Variants in YTHDF1 observed in about 807,000 individuals in gnomAD.
YTHDF1 encodes the protein YTH domain-containing family protein 1.
In YTHDF1, 16 loss-of-function variants were observed where a neutral mutation model predicts 49.1. The observed-to-expected ratio is 0.33, with a 90% CI of 0.22 to 0.49. YTHDF1 has a LOEUF of 0.49. YTHDF1 is among the 20% of genes least tolerant of loss of function. The probability of loss-of-function intolerance (pLI) is 0.99; values close to 1 mark genes in which losing one functional copy is unlikely to be tolerated. For missense variants in YTHDF1, 621 were observed against 744.3 expected (o/e 0.83, Z 1.93); for synonymous variants, 313 against 290.1 (o/e 1.08, Z -0.80).
chr20:63,210,104 C>G (rs989002981), intron 3 of YTHDF1, among the ~76,000 whole-genome samples: 4 of 152,166 alleles, frequency 2.6e-5, no homozygotes, highest in Non-Finnish European at 4.4e-5. Flanking sequence ...GCACCACAGA[C>G]ACGAGTAATA....
Position 63,215,973 on chromosome 20 carries a change from C to A in YTHDF1, c.-81G>T. ...AGAGGCCGGGCCTGTCACCCTAGCTCGCGCGGCCCCGGGCCCCGCCGCCAA... is the reference window on the plus strand; with the variant it reads ...AGAGGCCGGGCCTGTCACCCTAGCTAGCGCGGCCCCGGGCCCCGCCGCCAA... On this transcript the variant is annotated 5_prime_UTR_variant, in exon 1 of 5. Coordinates refer to ENST00000370339, the MANE Select transcript of YTHDF1 (RefSeq NM_017798.4). 8.6e-7 allele frequency: 1 copy of A among 1,164,426 alleles called. No individual in the cohort carries two copies. Among genetic ancestry groups the A allele is most frequent in the South Asian group, 4.1e-5 (1 of 24,120 alleles). The allele number at this position is 1,164,426 out of a possible 1,614,324, so 72.1% of individuals were successfully genotyped here.
Position 63,202,277 on chromosome 20 carries a change from C to G in YTHDF1, c.1653+10G>C, listed in dbSNP as rs1274465661. 2.5e-6 allele frequency: 4 copies of G among 1,606,374 alleles called. No homozygotes were observed. In the South Asian group the frequency reaches 3.3e-5, roughly 13 times the overall value. Reference sequence around the variant, plus strand: ...TCTGCATGGCAGTTGCCTGCAACACCCAGCCTCACCTTGCGCACCACCTCC... The same window carrying G: ...TCTGCATGGCAGTTGCCTGCAACACGCAGCCTCACCTTGCGCACCACCTCC... On this transcript the variant is annotated intron_variant, in intron 4 of 4. Transcript: ENST00000370339.
rs1208868638 is a variant in YTHDF1, at chr20:63,215,860, C to G, written c.27+6G>C. ...GGCCGCGGCCCCTGTAACCCGGCCCCGCTACCTGGGTGTCCACGCTGGTGG... is the reference window on the plus strand; with the variant it reads ...GGCCGCGGCCCCTGTAACCCGGCCCGGCTACCTGGGTGTCCACGCTGGTGG... On this transcript the variant is annotated splice_donor_region_variant and intron_variant, in intron 1 of 4. Coordinates refer to ENST00000370339, the MANE Select transcript of YTHDF1 (RefSeq NM_017798.4). The G allele has an allele frequency of 6.9e-6, 10 of 1,456,670 alleles. No individual in the cohort carries two copies. Among genetic ancestry groups the G allele is most frequent in the African/African-American group, 1.5e-5 (1 of 67,564 alleles). 90.2% of individuals were successfully genotyped at this position (1,456,670 alleles called of 1,614,324 possible). A position where few individuals can be genotyped will look rare whatever the true frequency, so the allele number is the denominator to read the frequency against.
rs569529062 is a variant in YTHDF1, at chr20:63,199,162, GC to G, written c.1654-2429del. The stretch of plus-strand genomic sequence containing the variant: ...GTCCTGAGAGAACCTTGAGAAAACC[GC>G]CCGGGGGCTCTACCAGCACAGGCGC... On this transcript the variant is annotated intron_variant, in intron 4 of 4. Transcript: ENST00000370339. 1.6e-4 allele frequency among the ~76,000 whole-genome samples: 25 copies of G among 152,320 alleles called. 1 individual carries two copies. In the South Asian group the frequency reaches 5.0e-3, roughly 30 times the overall value.
intron 4 of YTHDF1, among the ~76,000 whole-genome samples, chr20:63,198,930 G>T (rs1474238595): frequency 6.6e-6 from 1 of 152,172 alleles, no homozygotes; most frequent in East Asian, 1.9e-4. Flanking sequence ...ACCAAAAAAT[G>T]TATCAACCCA....
In YTHDF1 at chr20:63,207,206, T is replaced by C. The variant is rs186434516; in HGVS notation, c.133-3399A>G. Among the ~76,000 whole-genome samples the C allele has an allele frequency of 3.2e-3, 491 of 152,302 alleles. 3 individuals are homozygous for C. Among genetic ancestry groups the C allele is most frequent in the African/African-American group, 0.011 (464 of 41,552 alleles). On this transcript the variant is annotated intron_variant, in intron 3 of 4. Transcript: ENST00000370339. The stretch of plus-strand genomic sequence containing the variant: ...CATTAACCCCGGGCACGGTGACTCA[T>C]GCCTGTAATCCCAGCACTTTGGGAG...
Position 63,215,187 on chromosome 20 carries a change from C to CTACCGGCTGA in YTHDF1, c.52+389_52+390insTCAGCCGGTA, listed in dbSNP as rs1601242334. ...GCTAACAGACTTGGAAAACGGGCTG[C>CTACCGGCTGA]AACTACCGGGGATGTGGAGCTTAGC... On this transcript the variant is annotated intron_variant, in intron 2 of 4. Coordinates refer to ENST00000370339, the MANE Select transcript of YTHDF1 (RefSeq NM_017798.4). Among the ~76,000 whole-genome samples, 3 of 152,276 alleles carry CTACCGGCTGA rather than the reference C, an allele frequency of 2.0e-5. No homozygotes were observed. In the East Asian group the frequency reaches 5.8e-4, roughly 29 times the overall value.
intron 4 of YTHDF1, among the ~76,000 whole-genome samples, chr20:63,198,934 C>G (rs2066504855): frequency 2.0e-5 from 3 of 152,214 alleles, no homozygotes; most frequent in South Asian, 4.1e-4. Context: ...AAAAATGTAT[C>G]AACCCAGGAC....
intron 3 of YTHDF1, among the ~76,000 whole-genome samples, chr20:63,204,050 C>T (rs768853098): frequency 2.0e-5 from 3 of 152,184 alleles, no homozygotes; most frequent in Non-Finnish European, 2.9e-5. Flanking sequence ...GCTCTGAATT[C>T]AGGCTAAATG....
In YTHDF1 at chr20:63,203,149, G is replaced by C. The variant is rs758636370; in HGVS notation, c.791C>G (p.Pro264Arg). ...PVMGGGLPPPPIKHNMDIGTW... is the reference protein window; with the variant it reads ...PVMGGGLPPPRIKHNMDIGTW... ...GCCAATGTCCATGTTATGCTTTATGGGTGGAGGGGGCAGCCCACCCCCCAT... is the reference window on the plus strand; with the variant it reads ...GCCAATGTCCATGTTATGCTTTATGCGTGGAGGGGGCAGCCCACCCCCCAT... Residue 264 changes from proline to arginine, a missense_variant, in exon 4 of 5, where the codon CCC becomes CGC. By Grantham distance (103) the Pro-to-Arg change is moderately radical. Coordinates refer to ENST00000370339, the MANE Select transcript of YTHDF1 (RefSeq NM_017798.4). This position sits in a 1 kb window ranked among gnomAD's most constrained non-coding sequence, Gnocchi z 4.4. The C allele has an allele frequency of 1.2e-6, 2 of 1,613,604 alleles. No homozygotes were observed. Among genetic ancestry groups the C allele is most frequent in the Admixed American group, 3.3e-5 (2 of 60,010 alleles).
intron 3 of YTHDF1, among the ~76,000 whole-genome samples, chr20:63,205,693 G>C (rs1235695276): frequency 6.6e-6 from 1 of 152,052 alleles, no homozygotes; most frequent in Non-Finnish European, 1.5e-5. Context: ...ATTTTTAGTA[G>C]AGACAGGATT....
At position 63,203,157 on chromosome 20, in the gene YTHDF1, G is replaced by A; in HGVS notation, c.783C>T (p.Pro261=). The change falls in exon 4 of 5, where the codon CCC becomes CCT. Residue 261 remains proline, a synonymous_variant. Coordinates refer to ENST00000370339, the MANE Select transcript of YTHDF1 (RefSeq NM_017798.4). This position sits in a 1 kb window ranked among gnomAD's most constrained non-coding sequence, Gnocchi z 4.4. ...CCATGTTATGCTTTATGGGTGGAGG[G>A]GGCAGCCCACCCCCCATGACAGGCC... is the stretch of plus-strand genomic sequence containing the variant. ...KSGPVMGGGL[P]PPPIKHNMDI... The A allele has an allele frequency of 6.2e-7, 1 of 1,613,726 alleles. No individual in the cohort carries two copies. Among genetic ancestry groups the A allele is most frequent in the South Asian group, 1.1e-5 (1 of 91,078 alleles).
At position 63,203,718 on chromosome 20, in the gene YTHDF1, C is replaced by A; in HGVS notation, c.222G>T (p.Pro74=). ...IGFPYSLNEA[P]WSTAGDPPIP... ...TCGGAGGGTCCCCTGCAGTAGACCA[C>A]GGAGCCTCATTGAGGGAGTAAGGAA... is the stretch of plus-strand genomic sequence containing the variant. Residue 74 remains proline, a synonymous_variant, in exon 4 of 5, where the codon CCG becomes CCT. Transcript: ENST00000370339. This position sits in a 1 kb window ranked among gnomAD's most constrained non-coding sequence, Gnocchi z 4.4. The A allele has an allele frequency of 6.2e-7, 1 of 1,614,114 alleles. No homozygotes were observed. Among genetic ancestry groups the A allele is most frequent in the Non-Finnish European group, 8.5e-7 (1 of 1,180,026 alleles).
At chr20:63,208,290 G>A (rs556493968) in intron 3 of YTHDF1, among the ~76,000 whole-genome samples, 192 of 152,294 alleles carry the variant, frequency 1.3e-3, no homozygotes, top group African/African-American at 4.5e-3. Context: ...ATGTAAAATG[G>A]AAAAGTATTA....
At chr20:63,209,160 A>G (rs2066562101) in intron 3 of YTHDF1, among the ~76,000 whole-genome samples, 1 of 152,276 alleles carries the variant, frequency 6.6e-6, no homozygotes, top group Admixed American at 6.5e-5. Context: ...TGGAGCAGGT[A>G]GGCCTGAGTT....
At position 63,215,933 on chromosome 20, in the gene YTHDF1, G is replaced by C. The variant is rs2066600244; in HGVS notation, c.-41C>G. 3 of 1,354,086 alleles carry C rather than the reference G, an allele frequency of 2.2e-6. No individual in the cohort carries two copies. The highest frequency in any genetic ancestry group is 3.0e-5 in the Admixed American group (1 of 33,416). 83.9% of individuals were successfully genotyped at this position (1,354,086 alleles called of 1,614,324 possible). On this transcript the variant is annotated 5_prime_UTR_variant, in exon 1 of 5. Transcript: ENST00000370339. ...AGACGCGGGGCCGGGGCGCCCGCCGGCTCGGGCCTCCCCTAGAGGCCGGGC... is the reference window on the plus strand; with the variant it reads ...AGACGCGGGGCCGGGGCGCCCGCCGCCTCGGGCCTCCCCTAGAGGCCGGGC...
At position 63,203,074 on chromosome 20, in the gene YTHDF1, G is replaced by T; in HGVS notation, c.866C>A (p.Ala289Glu). ...CTGTGGGGCAGCCTGTGGAGAGGGT[G>T]CCTGCTGGGGGACTGGGGCCTTCGG... is the stretch of plus-strand genomic sequence containing the variant. Reference protein sequence around the residue: ...PVPKAPVPQQAPSPQAAPQPQ... With the variant: ...PVPKAPVPQQEPSPQAAPQPQ... Residue 289 changes from alanine to glutamate, a missense_variant, in exon 4 of 5, where the codon GCA becomes GAA. Coordinates refer to ENST00000370339, the MANE Select transcript of YTHDF1 (RefSeq NM_017798.4). This position sits in a 1 kb window ranked among gnomAD's most constrained non-coding sequence, Gnocchi z 4.4. The T allele has an allele frequency of 6.2e-7, 1 of 1,605,482 alleles. No individual in the cohort carries two copies. The highest frequency in any genetic ancestry group is 8.5e-7 in the Non-Finnish European group (1 of 1,175,010).
intron 4 of YTHDF1, among the ~76,000 whole-genome samples, chr20:63,197,732 AC>A (rs772322515): frequency 1.3e-5 from 2 of 151,990 alleles, no homozygotes; most frequent in Non-Finnish European, 2.9e-5. Context: ...ACAGAGAGAG[AC>A]CCTATCTCGA....
rs746889341 is a variant in YTHDF1 at position 63,202,996 on chromosome 20, G to A, written c.944C>T (p.Pro315Leu). The A allele has an allele frequency of 1.2e-5, 20 of 1,612,780 alleles. No individual in the cohort carries two copies. Among genetic ancestry groups the A allele is most frequent in the Middle Eastern group, 1.6e-4 (1 of 6,076 alleles). ...LPAQPPALAQ[P>L]QYQSPQQPPQ... is the part of the protein sequence containing the mutation. ...TGGCTGCTGAGGGCTCTGATACTGC[G>A]GTTGAGCCAAAGCTGGGGGCTGTGC... Residue 315 changes from proline (P) to leucine (L), a missense_variant, in exon 4 of 5, where the codon CCG becomes CTG. This residue lies in a region of YTHDF1 where 470 missense variants were observed against 495.8 expected (regional missense o/e 0.95). Transcript: ENST00000370339.
Sources: allele counts gnomAD v4.1 joint callset (sites outside exome capture counted in the v4.1 genomes callset), GRCh38; gene constraint gnomAD v4.1.1; regional missense constraint gnomAD v4.1.1; non-coding constraint Gnocchi (gnomAD v3.1); transcripts MANE v1.5; gene names NCBI Gene and HGNC (gene_info 2026-07-23, HGNC 2026-07-21).